Variants in ANKRD26 observed in about 807,000 individuals in gnomAD.
ANKRD26 encodes the protein ankyrin repeat domain-containing protein 26.
ANKRD26 carries 141 observed loss-of-function variants against 208.7 expected under a neutral mutation model. The observed-to-expected ratio is 0.68, with a 90% CI of 0.59 to 0.78. The LOEUF (loss-of-function observed/expected upper bound fraction) is 0.78, where lower values mean the gene tolerates loss of function less well. Among genes scored for constraint, ANKRD26 ranks in the 30% least tolerant of loss-of-function variants. ANKRD26 has a pLI of 0.00. For missense variants in ANKRD26, 1,889 were observed against 1,938.7 expected, an observed-to-expected ratio of 0.97 and a Z score of 0.48; for synonymous variants, 636 against 660.4, an observed-to-expected ratio of 0.96 and a Z score of 0.57.
intron 4 of ANKRD26, chr10:27,088,277 C>T (rs554560957): frequency 6.6e-6 from 1 of 152,296 alleles, no homozygotes; most frequent in South Asian, 2.1e-4. Flanking sequence ...TTTGCTTTGA[C>T]TCACACTGTT....
chr10:27,061,031 CT>C, intron 13 of ANKRD26, 112 bp downstream of exon 13: 1 of 838,080 alleles, frequency 1.2e-6, no homozygotes. Context: ...TATGATGCCA[CT>C]TTACTTGGAT....
intron 5 of ANKRD26, among the ~76,000 whole-genome samples, chr10:26,976,222 CT>C (rs10707905): frequency 0.86 from 129,553 of 150,148 alleles, 56,254 homozygotes; most frequent in East Asian, 1. Flanking sequence ...TAATTTTTTT[CT>C]TTTTTTTTTG....
chr10:27,077,308 A>G (rs1289026717), intron 9 of ANKRD26, 30 bp downstream of exon 9: 5 of 1,547,260 alleles, frequency 3.2e-6, no homozygotes, highest in Admixed American at 3.3e-5. Context: ...GGAAGGGTAC[A>G]TGAAAAAAGT....
At chr10:27,016,430 G>A (rs1193911359) in intron 30 of ANKRD26, among the ~76,000 whole-genome samples, 5 of 152,038 alleles carry the variant, frequency 3.3e-5, no homozygotes, top group Admixed American at 6.6e-5. Context: ...GTGCCACCAC[G>A]CCTGGCTGAT....
downstream of ANKRD26, among the ~76,000 whole-genome samples, chr10:27,001,400 G>T (rs1397231399): frequency 6.6e-6 from 1 of 152,204 alleles, no homozygotes; most frequent in Non-Finnish European, 1.5e-5. Flanking sequence ...TAATAGGTGA[G>T]AGAAAGAAAA....
At chr10:27,047,399 T>A (rs866636239) in intron 17 of ANKRD26, among the ~76,000 whole-genome samples, 84 of 152,006 alleles carry the variant, frequency 5.5e-4, no homozygotes, top group African/African-American at 2.0e-3. Context: ...GGCGGGTGGA[T>A]CATGAGGTCA....
chr10:26,949,285 CATT>C, the ANKRD26 span, among the ~76,000 whole-genome samples: 1 of 152,058 alleles, frequency 6.6e-6, no homozygotes, highest in Admixed American at 6.5e-5. Flanking sequence ...TACATGTCCT[CATT>C]TTTTTGGAAA....
At chr10:26,969,170 C>T (rs1382724428), downstream of ANKRD26, among the ~76,000 whole-genome samples, 1 of 152,098 alleles carries the variant, frequency 6.6e-6, no homozygotes. Flanking sequence ...ATGAAGTGCC[C>T]GGATCTCTGC....
intron 4 of ANKRD26, among the ~76,000 whole-genome samples, chr10:26,997,009 T>A (rs943716112): frequency 6.6e-6 from 1 of 152,144 alleles, no homozygotes; most frequent in Non-Finnish European, 1.5e-5. Flanking sequence ...TTGTTTTGGG[T>A]TGTTTTTGTT....
At chr10:26,952,772 C>T in the ANKRD26 span, among the ~76,000 whole-genome samples, 8 of 152,328 alleles carry the variant, frequency 5.3e-5, no homozygotes, top group East Asian at 5.8e-4. Context: ...ATTGGACATA[C>T]GGCATTCACA....
chr10:27,046,141 C>A, intron 18 of ANKRD26: 1 of 539,258 alleles, frequency 1.9e-6, no homozygotes, highest in Non-Finnish European at 3.3e-6. Context: ...TTCTCTCAAA[C>A]GCCGTCTGTG....
chr10:26,962,635 G>A, the ANKRD26 span, among the ~76,000 whole-genome samples: 2 of 151,740 alleles, frequency 1.3e-5, no homozygotes, highest in Non-Finnish European at 2.9e-5. Flanking sequence ...ATAGTCCCAG[G>A]TACTTAGGAG....
downstream of ANKRD26, among the ~76,000 whole-genome samples, chr10:27,000,685 T>C (rs987557881): frequency 6.6e-6 from 1 of 152,144 alleles, no homozygotes; most frequent in South Asian, 2.1e-4. Flanking sequence ...TAAAAATGTA[T>C]ATATGCAAGA....
At chr10:27,015,680 G>A (rs3781098) in intron 30 of ANKRD26, among the ~76,000 whole-genome samples, 1 of 152,008 alleles carries the variant, frequency 6.6e-6, no homozygotes, top group Non-Finnish European at 1.5e-5. Context: ...TGAGAATGAG[G>A]AGTGAAGACT....
the ANKRD26 span, among the ~76,000 whole-genome samples, chr10:26,967,481 T>A: frequency 6.6e-6 from 1 of 152,114 alleles, no homozygotes. Context: ...ACCTGGGAAA[T>A]CTCATTCATT....
rs1456685507 is a variant in ANKRD26 at position 27,005,332 on chromosome 10, C to T, written c.*258G>A. The T allele has an allele frequency of 1.7e-6, 2 of 1,158,062 alleles. No individual in the cohort carries two copies. The highest frequency in any genetic ancestry group is 1.6e-5 in the African/African-American group (1 of 62,036). 71.7% of individuals were successfully genotyped at this position (1,158,062 alleles called of 1,614,324 possible). A position where few individuals can be genotyped will look rare whatever the true frequency, so the allele number is the denominator to read the frequency against. ...ATTAACTGCACTAAAGTATTAATGA[C>T]AACTTAGTGGTTTGGCTGTTTAAAC... is the stretch of plus-strand genomic sequence containing the variant. On this transcript the variant is annotated 3_prime_UTR_variant, in exon 34 of 34. Coordinates refer to ENST00000376087, the MANE Select transcript of ANKRD26 (RefSeq NM_014915.3).
chr10:27,080,530 T>G, intron 6 of ANKRD26: 2 of 698,260 alleles, frequency 2.9e-6, no homozygotes, highest in Non-Finnish European at 1.8e-6. Context: ...CCCTTAAAAA[T>G]CTTTACAGGC....
At chr10:26,961,958 G>A in the ANKRD26 span, among the ~76,000 whole-genome samples, 1 of 152,170 alleles carries the variant, frequency 6.6e-6, no homozygotes, top group African/African-American at 2.4e-5. Flanking sequence ...AAGAACCACG[G>A]GATTTTAGAG....
chr10:26,954,982 T>C, the ANKRD26 span, among the ~76,000 whole-genome samples: 1 of 150,042 alleles, frequency 6.7e-6, no homozygotes, highest in Admixed American at 6.8e-5. Flanking sequence ...GGTCTTAAAG[T>C]TATTTATGTC....
Sources: gnomAD v4.1 joint callset for allele counts (sites outside exome capture counted in the v4.1 genomes callset) on GRCh38, gnomAD v4.1.1 for gene constraint, MANE v1.5 for transcripts, NCBI Gene and HGNC (gene_info 2026-07-23, HGNC 2026-07-21) for gene names.